Variants in LCTL observed in about 807,000 individuals in gnomAD.
LCTL encodes the protein lactase like, also known as lactase-like protein.
LCTL carries 76 observed loss-of-function variants against 75.8 expected under a neutral mutation model. The observed-to-expected ratio is 1.00, with a 90% CI of 0.83 to 1.21. The LOEUF (loss-of-function observed/expected upper bound fraction) is 1.21. LCTL is among the 50% of genes most tolerant of loss of function. The pLI is 0.00. For synonymous variants in LCTL, 271 were observed against 268.8 expected, an observed-to-expected ratio of 1.01 and a Z score of -0.08; for missense variants, 670 against 712.4, an observed-to-expected ratio of 0.94 and a Z score of 0.68.
chr15:66,563,646 G>T, intron 3 of LCTL, 21 bp from the exon 5 acceptor site: 1 of 1,544,474 alleles, frequency 6.5e-7, no homozygotes, highest in Non-Finnish European at 8.9e-7. Context: ...AATAAAAGAA[G>T]ATGCTACCAG....
At chr15:66,565,619 G>A, upstream of LCTL, 1 of 473,974 alleles carries the variant, frequency 2.1e-6, no homozygotes, top group Non-Finnish European at 3.7e-6. Context: ...CTGTCTGATG[G>A]GGGAGACCCA....
intron 8 of LCTL, among the ~76,000 whole-genome samples, chr15:66,556,207 G>A (rs1479681834): frequency 1.3e-5 from 2 of 152,122 alleles, no homozygotes; most frequent in Admixed American, 1.3e-4. Context: ...GTACACCCGT[G>A]TTTTTAGCAT....
Position 66,551,698 on chromosome 15 carries a change from C to T in LCTL, c.1488G>A (p.Lys496=), listed in dbSNP as rs748216132. The change falls in exon 11 of 13, where the codon AAG becomes AAA. Residue 496 remains lysine, a synonymous_variant. Transcript: ENST00000341509. ...TGGGAAACCCATTGGCAATGATAAT[C>T]TTCTTGTAATATTGAACTGAAGCCT... 3.8e-5 allele frequency: 62 copies of T among 1,613,906 alleles called. No individual in the cohort carries two copies. In the East Asian group the frequency reaches 5.3e-4, roughly 14 times the overall value.
At position 66,564,008 on chromosome 15, in the gene LCTL, CAG is replaced by C. The variant is rs927898075; in HGVS notation, c.283-12_283-11del. On this transcript the variant is annotated splice_polypyrimidine_tract_variant and intron_variant, in intron 2 of 12. Transcript: ENST00000341509. ...GCAGAATGATGTCCTCCTGTGCAGACAGGGGTGGGGAGACAGGTCACCTGGGC... is the reference window on the plus strand; with the variant it reads ...GCAGAATGATGTCCTCCTGTGCAGACGGGTGGGGAGACAGGTCACCTGGGC... The C allele has an allele frequency of 2.1e-5, 33 of 1,604,954 alleles. No individual in the cohort carries two copies. The highest frequency in any genetic ancestry group is 2.6e-5 in the Non-Finnish European group (30 of 1,172,178).
exon 2 of LCTL, chr15:66,564,711 C>T (rs1380773831): frequency 1.2e-6 from 2 of 1,613,270 alleles, no homozygotes; most frequent in Admixed American, 3.3e-5. Context: ...GCTACATCTG[C>T]CGTCTCATTC....
chr15:66,556,395 C>T (rs936691494), intron 8 of LCTL, among the ~76,000 whole-genome samples: 2 of 152,150 alleles, frequency 1.3e-5, no homozygotes, highest in African/African-American at 4.8e-5. Flanking sequence ...ACCTCCACCT[C>T]CCAGGTTCAA....
intron 11 of LCTL, 118 bp downstream of exon 12, chr15:66,551,544 C>T: frequency 1.3e-6 from 1 of 766,578 alleles, no homozygotes; most frequent in Non-Finnish European, 2.2e-6. Flanking sequence ...GGCCATGCCG[C>T]ATGCCCCGTC....
At chr15:66,552,831 G>A (rs1416913244) in intron 9 of LCTL, among the ~76,000 whole-genome samples, 153 bp downstream of exon 10, 1 of 152,202 alleles carries the variant, frequency 6.6e-6, no homozygotes. Flanking sequence ...TGGTAGACGT[G>A]AGTCTGTAAG....
exon 5 of LCTL, chr15:66,561,215 T>C (rs1433423679): frequency 6.2e-7 from 1 of 1,614,118 alleles, no homozygotes; most frequent in African/African-American, 1.3e-5. Context: ...GATCCAGTGC[T>C]TCACACGGTC....
In LCTL at chr15:66,559,564, C is replaced by T. The variant is rs60073557; in HGVS notation, c.705+1442G>A. Among the ~76,000 whole-genome samples the T allele has an allele frequency of 6.7e-4, 102 of 151,170 alleles. No individual in the cohort carries two copies. In the East Asian group the frequency reaches 0.018, roughly 27 times the overall value. The stretch of plus-strand genomic sequence containing the variant: ...CTACTAAAAATTCAAAAAAATTAGC[C>T]GGGTGTGGTGGCGTATGCCTGTAAT... On this transcript the variant is annotated intron_variant, in intron 6 of 12. Coordinates refer to ENST00000341509, the Ensembl canonical transcript of LCTL.
intron 4 of LCTL, among the ~76,000 whole-genome samples, chr15:66,562,764 C>T (rs905420671): frequency 6.6e-6 from 1 of 151,934 alleles, no homozygotes; most frequent in African/African-American, 2.4e-5. Flanking sequence ...TTGTATTTTT[C>T]GTAGAGACTG....
At chr15:66,551,600 G>A (rs1895601681) in intron 11 of LCTL, 62 bp downstream of exon 12, 3 of 1,353,224 alleles carry the variant, frequency 2.2e-6, no homozygotes, top group Non-Finnish European at 3.1e-6. Flanking sequence ...AGTTCTTTGT[G>A]TGTTCCAGCT....
intron 2 of LCTL, chr15:66,564,251 G>A: frequency 1.8e-6 from 1 of 550,930 alleles, no homozygotes; most frequent in Non-Finnish European, 3.2e-6. Flanking sequence ...GTAAACCTGG[G>A]TGATGAGTTC....
rs570790464 is a variant in LCTL, at chr15:66,563,180, C to T, written c.480+336G>A. Among the ~76,000 whole-genome samples the T allele has an allele frequency of 1.6e-4, 24 of 152,244 alleles. No individual in the cohort carries two copies. In the East Asian group the frequency reaches 2.5e-3, roughly 16 times the overall value. ...AGGTGCCCTTATAAAAAGAGGGACA[C>T]GGCATTCAAGGCATCATCTTGGAAG... On this transcript the variant is annotated intron_variant, in intron 4 of 12. Coordinates refer to ENST00000341509, the Ensembl canonical transcript of LCTL.
At chr15:66,551,851 A>T in exon 11 of LCTL, 3 of 1,610,346 alleles carry the variant, frequency 1.9e-6, no homozygotes, top group Non-Finnish European at 2.5e-6. Flanking sequence ...TATTAGCACC[A>T]TCTTTTATAG....
intron 8 of LCTL, among the ~76,000 whole-genome samples, chr15:66,556,680 T>C (rs908764595): frequency 1.3e-5 from 2 of 152,148 alleles, no homozygotes; most frequent in African/African-American, 2.4e-5. Flanking sequence ...CTTGAGGACA[T>C]TATGCTAAGT....
chr15:66,565,361 T>A, exon 1 of LCTL: 3 of 1,602,324 alleles, frequency 1.9e-6, no homozygotes, highest in South Asian at 1.1e-5. Flanking sequence ...CCACACTGGC[T>A]TCATGGTGCC....
chr15:66,562,944 T>A (rs1379250888), intron 4 of LCTL, among the ~76,000 whole-genome samples: 1 of 152,224 alleles, frequency 6.6e-6, no homozygotes, highest in East Asian at 1.9e-4. Context: ...TATGCCAAGT[T>A]TTTTAGAAAA....
At chr15:66,556,374 G>A (rs931571903) in intron 8 of LCTL, among the ~76,000 whole-genome samples, 4 of 151,686 alleles carry the variant, frequency 2.6e-5, no homozygotes, top group African/African-American at 4.8e-5. Flanking sequence ...GCGAGATCTC[G>A]GCCCACTGCA....
Sources: gnomAD v4.1 joint callset for allele counts (sites outside exome capture counted in the v4.1 genomes callset) on GRCh38, gnomAD v4.1.1 for gene constraint, MANE v1.5 for transcripts, NCBI Gene and HGNC (gene_info 2026-07-23, HGNC 2026-07-21) for gene names.